GSTCD: variants seen among roughly 807,000 people sequenced by gnomAD.
GSTCD encodes glutathione S-transferase C-terminal domain-containing protein.
A neutral mutation model predicts 68.3 loss-of-function variants in GSTCD; 44 were observed. The observed-to-expected ratio is 0.64, with a 90% CI of 0.51 to 0.83. The LOEUF is 0.83. Among genes scored for constraint, GSTCD ranks in the 40% least tolerant of loss-of-function variants. GSTCD has a pLI of 0.00. For missense variants in GSTCD, 739 were observed against 735.9 expected (o/e 1.00, Z -0.05); for synonymous variants, 273 against 255.2 (o/e 1.07, Z -0.67).
chr4:105,811,982 G>C (rs138275821), intron 5 of GSTCD, among the ~76,000 whole-genome samples: 6 of 152,284 alleles, frequency 3.9e-5, no homozygotes, highest in Middle Eastern at 3.4e-3. Context: ...TTGGCTTGAA[G>C]TCTCTGGATG....
intron 5 of GSTCD, among the ~76,000 whole-genome samples, chr4:105,731,934 G>T (rs559339569): frequency 2.0e-5 from 3 of 152,234 alleles, no homozygotes; most frequent in African/African-American, 7.2e-5. Context: ...GGCCTTTTCT[G>T]CATCTATTGA....
chr4:105,825,668 C>A lies in GSTCD; in HGVS notation c.1402-4C>A, dbSNP rs1394919329. On this transcript the variant is annotated splice_polypyrimidine_tract_variant and splice_region_variant and intron_variant, in intron 7 of 11. Coordinates refer to ENST00000515279, the MANE Select transcript of GSTCD (RefSeq NM_001370181.1). The stretch of plus-strand genomic sequence containing the variant: ...TATACTATTGTTTTCTGGGTAAAAT[C>A]TAGGTTACATTAATAGAAAACAAGG... The A allele has an allele frequency of 5.5e-6, 8 of 1,452,940 alleles. No individual in the cohort carries two copies. The highest frequency in any genetic ancestry group is 7.7e-6 in the Non-Finnish European group (8 of 1,039,552). The allele number at this position is 1,452,940 out of a possible 1,614,324, so 90.0% of individuals were successfully genotyped here.
At chr4:105,756,892 A>G (rs1348129093) in intron 5 of GSTCD, among the ~76,000 whole-genome samples, 1 of 152,110 alleles carries the variant, frequency 6.6e-6, no homozygotes, top group Non-Finnish European at 1.5e-5. Flanking sequence ...AGCAGAGTTG[A>G]GAACTCTAGA....
intron 5 of GSTCD, among the ~76,000 whole-genome samples, chr4:105,766,127 T>G (rs1162500351): frequency 6.6e-6 from 1 of 152,016 alleles, no homozygotes; most frequent in Non-Finnish European, 1.5e-5. Flanking sequence ...ATGATATAGG[T>G]GATGAAAGCT....
At chr4:105,733,295 A>G (rs997123828) in intron 5 of GSTCD, among the ~76,000 whole-genome samples, 2 of 151,884 alleles carry the variant, frequency 1.3e-5, no homozygotes, top group Non-Finnish European at 2.9e-5. Flanking sequence ...GGGTGTTAAA[A>G]TCTCCCATTA....
At chr4:105,778,856 A>C (rs538427680) in intron 5 of GSTCD, among the ~76,000 whole-genome samples, 1 of 152,114 alleles carries the variant, frequency 6.6e-6, no homozygotes, top group Non-Finnish European at 1.5e-5. Context: ...AGATTCCTCA[A>C]TGTTAACATT....
chr4:105,732,994 G>A (rs1279959893), intron 5 of GSTCD, among the ~76,000 whole-genome samples: 1 of 152,176 alleles, frequency 6.6e-6, no homozygotes, highest in African/African-American at 2.4e-5. Flanking sequence ...ATGTAGTTGA[G>A]CGGTTTTGAA....
At chr4:105,720,626 A>C (rs1423625159) in intron 3 of GSTCD, among the ~76,000 whole-genome samples, 1 of 152,208 alleles carries the variant, frequency 6.6e-6, no homozygotes, top group Non-Finnish European at 1.5e-5. Context: ...GTTGATTGCT[A>C]TTTTAAATGC....
intron 1 of GSTCD, among the ~76,000 whole-genome samples, chr4:105,716,572 T>C (rs1015127942): frequency 6.6e-6 from 1 of 152,118 alleles, no homozygotes; most frequent in African/African-American, 2.4e-5. Context: ...TCATAGGAGC[T>C]CCAACCCTCT....
intron 5 of GSTCD, among the ~76,000 whole-genome samples, chr4:105,798,207 G>A (rs1223342848): frequency 1.3e-5 from 2 of 151,924 alleles, no homozygotes; most frequent in African/African-American, 2.4e-5. Context: ...CACCAATTCA[G>A]TCCCATCTTC....
chr4:105,827,211 A>G (rs1324624630), intron 8 of GSTCD: 1 of 152,180 alleles, frequency 6.6e-6, no homozygotes, highest in Non-Finnish European at 1.5e-5. Flanking sequence ...AGTACACCAG[A>G]CAGAATGGTA....
rs746288879 is a variant in GSTCD at position 105,842,042 on chromosome 4, C to T, written c.1696-23C>T. The T allele has an allele frequency of 1.2e-5, 19 of 1,591,404 alleles. No individual in the cohort carries two copies. In the South Asian group the frequency reaches 1.5e-4, roughly 13 times the overall value. ...GAAGCAGAAGATAAAAATAAACCCA[C>T]ATTCTATTGCTTTTTCTTTTAGGAA... On this transcript the variant is annotated intron_variant, in intron 10 of 11. Transcript: ENST00000515279.
chr4:105,742,950 CTCTT>C (rs1252690070), intron 5 of GSTCD, among the ~76,000 whole-genome samples: 2 of 150,138 alleles, frequency 1.3e-5, no homozygotes, highest in African/African-American at 2.4e-5. Context: ...TAATTTCTCT[CTCTT>C]TTTTTTTTTT....
chr4:105,815,806 G>A (rs1244443880), intron 5 of GSTCD, among the ~76,000 whole-genome samples: 1 of 152,104 alleles, frequency 6.6e-6, no homozygotes, highest in Non-Finnish European at 1.5e-5. Flanking sequence ...TCTACAGTTA[G>A]CCTTTTTGTT....
intron 5 of GSTCD, among the ~76,000 whole-genome samples, chr4:105,753,815 T>C (rs1734088811): frequency 6.6e-6 from 1 of 152,112 alleles, no homozygotes; most frequent in South Asian, 2.1e-4. Flanking sequence ...AAACTAGCTC[T>C]TTATTAATTC....
rs1297494562 is a variant in GSTCD, at chr4:105,743,107, G to T, written c.1240+13608G>T. On this transcript the variant is annotated intron_variant, in intron 5 of 11. Transcript: ENST00000515279. ...TGGGACTACAGGCGCCCGCCACCACGCCTGGCTAATTTTTTTGTATTTTTA... is the reference window on the plus strand; with the variant it reads ...TGGGACTACAGGCGCCCGCCACCACTCCTGGCTAATTTTTTTGTATTTTTA... Among the ~76,000 whole-genome samples the T allele has an allele frequency of 2.6e-5, 4 of 151,782 alleles. No homozygotes were observed. In the South Asian group the frequency reaches 6.3e-4, roughly 24 times the overall value.
chr4:105,736,626 T>A (rs1297580739), intron 5 of GSTCD, among the ~76,000 whole-genome samples: 1 of 152,162 alleles, frequency 6.6e-6, no homozygotes, highest in African/African-American at 2.4e-5. Flanking sequence ...AATCTGCTCT[T>A]CCAGCTGTTT....
intron 8 of GSTCD, among the ~76,000 whole-genome samples, chr4:105,833,368 CA>C (rs1408520589): frequency 1.3e-5 from 2 of 151,706 alleles, no homozygotes; most frequent in African/African-American, 4.9e-5. Flanking sequence ...GAGGCTGAGG[CA>C]GAAGAATTGC....
At chr4:105,805,342 A>G (rs1217450195) in intron 5 of GSTCD, among the ~76,000 whole-genome samples, 1 of 152,116 alleles carries the variant, frequency 6.6e-6, no homozygotes, top group Non-Finnish European at 1.5e-5. Context: ...ATAAGAAAAA[A>G]TCTATTACTT....
Sources: allele counts gnomAD v4.1 joint callset (sites outside exome capture counted in the v4.1 genomes callset), GRCh38; gene constraint gnomAD v4.1.1; transcripts MANE v1.5; gene names NCBI Gene and HGNC (gene_info 2026-07-23, HGNC 2026-07-21).